Variants in CYREN observed in about 807,000 individuals in gnomAD.
CYREN encodes the protein cell cycle regulator of non-homologous end joining.
CYREN carries 7 observed loss-of-function variants against 9.7 expected under a neutral mutation model. The observed-to-expected ratio is 0.72, with a 90% confidence interval of 0.41 to 1.36. The LOEUF is 1.36. Ranked by LOEUF, CYREN falls within the 40% of genes most tolerant of loss-of-function variation. The probability of loss-of-function intolerance (pLI) is 0.01; values close to 1 mark genes in which losing one functional copy is unlikely to be tolerated. For missense variants in CYREN, 215 were observed against 198.1 expected (o/e 1.09, Z -0.51); for synonymous variants, 76 against 77.9 (o/e 0.98, Z 0.13).
At chr7:135,129,169 A>G (rs571250498) in intron 2 of CYREN, 2 of 1,446,432 alleles carry the variant, frequency 1.4e-6, no homozygotes, top group South Asian at 2.3e-5. Context: ...TCCACCTTGG[A>G]CCTGATGGCA....
At chr7:135,168,328 CAACT>C (rs1194910703) in intron 2 of CYREN, 1 of 149,376 alleles carries the variant, frequency 6.7e-6, no homozygotes, top group Non-Finnish European at 1.4e-5. Context: ...TACCGTCATT[CAACT>C]AACTCACTCC....
chr7:135,169,744 CAG>C (rs968629718), intron 1 of CYREN, among the ~76,000 whole-genome samples: 1 of 152,174 alleles, frequency 6.6e-6, no homozygotes, highest in African/African-American at 2.4e-5. Flanking sequence ...AGTTGTGACT[CAG>C]AGGGCCTAGG....
Position 135,140,113 on chromosome 7 carries a change from T to C in CYREN, n.356+28636A>G, listed in dbSNP as rs142816649. On this transcript the variant is annotated intron_variant and non_coding_transcript_variant, in intron 2 of 2. Transcript: ENST00000459937. ...TCTAATTCTGTAAAAAATATTGTAG[T>C]TTGATAAAGAATACATTGAATCTGT... Among the ~76,000 whole-genome samples, 194 of 152,176 alleles carry C rather than the reference T, an allele frequency of 1.3e-3. 1 individual carries two copies. Among genetic ancestry groups the C allele is most frequent in the African/African-American group, 4.5e-3 (186 of 41,562 alleles).
chr7:135,113,272 T>C (rs951086409), intron 2 of CYREN, among the ~76,000 whole-genome samples: 13 of 152,332 alleles, frequency 8.5e-5, no homozygotes, highest in Middle Eastern at 3.4e-3. Context: ...AAAAAACTTA[T>C]TGTAGAAATT....
At chr7:135,106,769 AAT>A (rs1175563631) in intron 2 of CYREN, among the ~76,000 whole-genome samples, 1 of 152,152 alleles carries the variant, frequency 6.6e-6, no homozygotes, top group Non-Finnish European at 1.5e-5. Flanking sequence ...AGCTTTTTGA[AAT>A]AGTTTCAGTA....
intron 2 of CYREN, among the ~76,000 whole-genome samples, chr7:135,141,585 T>C (rs1829453473): frequency 1.3e-5 from 2 of 152,094 alleles, no homozygotes; most frequent in African/African-American, 4.8e-5. Context: ...ATTTATTTTC[T>C]TCTTCTAGCT....
At chr7:135,155,240 A>G (rs966255084) in intron 2 of CYREN, among the ~76,000 whole-genome samples, 5 of 152,140 alleles carry the variant, frequency 3.3e-5, no homozygotes, top group Non-Finnish European at 7.4e-5. Flanking sequence ...GGGTAAGGTT[A>G]GTTTCTTGTA....
chr7:135,147,140 C>A (rs1181501058), intron 2 of CYREN, among the ~76,000 whole-genome samples: 1 of 152,146 alleles, frequency 6.6e-6, no homozygotes, highest in Non-Finnish European at 1.5e-5. Context: ...CCCAGAGCAA[C>A]CATGCAAAGT....
intron 2 of CYREN, among the ~76,000 whole-genome samples, chr7:135,137,131 T>C (rs1829363862): frequency 6.6e-6 from 1 of 151,800 alleles, no homozygotes; most frequent in Non-Finnish European, 1.5e-5. Flanking sequence ...TTAAAACAAC[T>C]ACGATGAATA....
chr7:135,096,440 A>G (rs1308302555), intron 2 of CYREN, among the ~76,000 whole-genome samples: 2 of 151,874 alleles, frequency 1.3e-5, no homozygotes, highest in African/African-American at 2.4e-5. Context: ...AGAGATATAT[A>G]TGGCTATTCT....
intron 2 of CYREN, among the ~76,000 whole-genome samples, chr7:135,095,337 T>G (rs1250224650): frequency 6.6e-6 from 1 of 152,146 alleles, no homozygotes; most frequent in East Asian, 1.9e-4. Flanking sequence ...TAACAGTGGT[T>G]TACAGCTGAT....
chr7:135,167,949 G>A (rs1830304921), intron 2 of CYREN, 142 bp from the exon 3 acceptor site: 1 of 1,396,508 alleles, frequency 7.2e-7, no homozygotes, highest in African/African-American at 1.4e-5. Context: ...GGAGCTTTCT[G>A]ACACGGACAC....
At position 135,165,840 on chromosome 7, in the gene CYREN, A is replaced by C. The variant is rs1398019770; in HGVS notation, c.*771T>G. On this transcript the variant is annotated 3_prime_UTR_variant, in exon 4 of 4. Coordinates refer to ENST00000393114, the MANE Select transcript of CYREN (RefSeq NM_024033.4). ...TTGTGTATTGGAAAACCTGTATGGC[A>C]GTGATTTATTCATATATTCCTGTCC... 3 of 167,158 alleles carry C rather than the reference A, an allele frequency of 1.8e-5. No homozygotes were observed. The highest frequency in any genetic ancestry group is 2.9e-5 in the Non-Finnish European group (2 of 68,144). The allele number at this position is 167,158 out of a possible 1,614,324, so 10.4% of individuals were successfully genotyped here.
At chr7:135,106,743 G>A (rs1824781919) in intron 2 of CYREN, among the ~76,000 whole-genome samples, 1 of 152,192 alleles carries the variant, frequency 6.6e-6, no homozygotes, top group Non-Finnish European at 1.5e-5. Flanking sequence ...GAGTTGGGGA[G>A]GAGTCCCTCC....
chr7:135,129,120 G>A, intron 2 of CYREN: 1 of 1,550,058 alleles, frequency 6.5e-7, no homozygotes, highest in African/African-American at 1.4e-5. Flanking sequence ...GCTAGTGGAA[G>A]CAGAGTTATT....
chr7:135,110,648 T>C (rs1825498573), intron 2 of CYREN, among the ~76,000 whole-genome samples: 1 of 152,182 alleles, frequency 6.6e-6, no homozygotes, highest in South Asian at 2.1e-4. Context: ...CTTTTCTCTG[T>C]TCTCCATGGG....
Position 135,168,910 on chromosome 7 carries a change from G to C in CYREN, c.13C>G (p.Gln5Glu). Residue 5 changes from glutamine to glutamate, a missense_variant, in exon 2 of 4, where the codon CAA becomes GAA. Transcript: ENST00000393114. Reference protein sequence around the residue: METLQSETKTRVLPS... With the variant: METLESETKTRVLPS... Reference sequence around the variant, plus strand: ...AGGACCCTCGTTTTAGTCTCGGATTGTAAGGTTTCCATCTCTGTACCTTCT... The same window carrying C: ...AGGACCCTCGTTTTAGTCTCGGATTCTAAGGTTTCCATCTCTGTACCTTCT... The C allele has an allele frequency of 1.2e-6, 2 of 1,609,386 alleles. No individual in the cohort carries two copies. Among genetic ancestry groups the C allele is most frequent in the East Asian group, 2.2e-5 (1 of 44,730 alleles).
At chr7:135,164,350 C>T (rs755305107), downstream of CYREN, 5 of 1,287,670 alleles carry the variant, frequency 3.9e-6, 1 homozygote, top group South Asian at 5.5e-5. Flanking sequence ...AAAGGGAGAA[C>T]ATGAGCTTGT....
In CYREN at chr7:135,131,493, T is replaced by A. The variant is rs143492445; in HGVS notation, n.357-36911A>T. 5.3e-4 allele frequency among the ~76,000 whole-genome samples: 81 copies of A among 152,106 alleles called. 2 individuals are homozygous for A. The East Asian group carries it at 0.014, about 26-fold the overall frequency. ...AATTCTCAAAGGAAGTAAAAATATG[T>A]ATTTAAATTAATGGAAATGAAACTA... On this transcript the variant is annotated intron_variant and non_coding_transcript_variant, in intron 2 of 2. Transcript: ENST00000459937.
Sources: allele counts gnomAD v4.1 joint callset (sites outside exome capture counted in the v4.1 genomes callset), GRCh38; gene constraint gnomAD v4.1.1; transcripts MANE v1.5; gene names NCBI Gene and HGNC (gene_info 2026-07-23, HGNC 2026-07-21).